NSD1: variants seen among roughly 807,000 people sequenced by gnomAD.
NSD1 encodes histone-lysine N-methyltransferase, H3 lysine-36 specific.
In NSD1, 26 loss-of-function variants were observed where a neutral mutation model predicts 242.7. The ratio of observed to expected loss-of-function variants is 0.11; its 90% CI spans 0.08 to 0.15. NSD1 has a LOEUF of 0.15. Ranked by LOEUF, NSD1 falls within the 10% of genes least tolerant of loss-of-function variation. The probability of loss-of-function intolerance (pLI) is 1.00; values close to 1 mark genes in which losing one functional copy is unlikely to be tolerated. For missense variants in NSD1, 2,495 were observed against 3,272.8 expected (o/e 0.76, Z 5.80); for synonymous variants, 1,106 against 1,178.1 (o/e 0.94, Z 1.25).
At chr5:177,175,513 A>AGCGACTTG (rs1271052892) in intron 2 of NSD1, among the ~76,000 whole-genome samples, 1 of 152,174 alleles carries the variant, frequency 6.6e-6, no homozygotes, top group South Asian at 2.1e-4. Flanking sequence ...CATTAGTCCC[A>AGCGACTTG]GCGACTTGGT....
intron 21 of NSD1, among the ~76,000 whole-genome samples, chr5:177,290,128 C>T (rs1157321862): frequency 6.7e-6 from 1 of 148,238 alleles, no homozygotes; most frequent in East Asian, 2.0e-4. Flanking sequence ...GTGCCCGGCC[C>T]TTATATTATT....
At position 177,299,298 on chromosome 5, in the gene NSD1, AG is replaced by A. The variant is rs1218666876; in HGVS notation, c.*3840del. 8.6e-6 allele frequency: 2 copies of A among 233,178 alleles called. No homozygotes were observed. Among genetic ancestry groups the A allele is most frequent in the African/African-American group, 4.4e-5 (2 of 45,342 alleles). 14.4% of individuals were successfully genotyped at this position (233,178 alleles called of 1,614,324 possible). A position where few individuals can be genotyped will look rare whatever the true frequency, so the allele number is the denominator to read the frequency against. On this transcript the variant is annotated 3_prime_UTR_variant, in exon 23 of 23. Coordinates refer to ENST00000439151, the MANE Select transcript of NSD1 (RefSeq NM_022455.5). ...TTTGGGAGGAGATTTTATGTAGAAA[AG>A]TTTGAGGCTTTGTTAAAAGTGGGGA...
chr5:177,245,995 A>G (rs1766264128), intron 9 of NSD1, among the ~76,000 whole-genome samples: 1 of 141,628 alleles, frequency 7.1e-6, no homozygotes, highest in African/African-American at 2.7e-5. Context: ...TTTGAGATGG[A>G]GTTTCGCTCT....
intron 3 of NSD1, among the ~76,000 whole-genome samples, chr5:177,195,178 G>A (rs918936736): frequency 6.6e-6 from 1 of 151,734 alleles, no homozygotes; most frequent in African/African-American, 2.4e-5. Context: ...AAATAACTTA[G>A]TGTGTTAAAA....
rs61538775 is a variant in NSD1, at chr5:177,264,028, A to ATTTTTTTTTTTTTTT, written c.5147-3522_5147-3508dup. ...AAGATGCATATGACTCAATGAACCA[A>ATTTTTTTTTTTTTTT]TTTTTTTTTTTTTTTTTTTTTTTTT... On this transcript the variant is annotated intron_variant, in intron 14 of 22. Transcript: ENST00000439151. 7.3e-3 allele frequency among the ~76,000 whole-genome samples: 558 copies of ATTTTTTTTTTTTTTT among 76,362 alleles called. 83 individuals are homozygous for ATTTTTTTTTTTTTTT. The highest frequency in any genetic ancestry group is 0.017 in the Middle Eastern group (2 of 118). 50.1% of individuals were successfully genotyped at this position (76,362 alleles called of 152,430 possible). A position where few individuals can be genotyped will look rare whatever the true frequency, so the allele number is the denominator to read the frequency against.
intron 2 of NSD1, among the ~76,000 whole-genome samples, chr5:177,161,285 G>A (rs1758725149): frequency 6.6e-6 from 1 of 152,060 alleles, no homozygotes; most frequent in Non-Finnish European, 1.5e-5. Context: ...GGGTGGTTGA[G>A]GTGGGAAGAT....
At position 177,295,551 on chromosome 5, in the gene NSD1, C is replaced by A. The variant is rs540454140; in HGVS notation, c.*92C>A. 1.8e-5 allele frequency: 22 copies of A among 1,222,750 alleles called. No homozygotes were observed. The highest frequency in any genetic ancestry group is 2.5e-5 in the East Asian group (1 of 39,650). 75.7% of individuals were successfully genotyped at this position (1,222,750 alleles called of 1,614,324 possible). A position where few individuals can be genotyped will look rare whatever the true frequency, so the allele number is the denominator to read the frequency against. On this transcript the variant is annotated 3_prime_UTR_variant, in exon 23 of 23. Coordinates refer to ENST00000439151, the MANE Select transcript of NSD1 (RefSeq NM_022455.5). This position sits in a 1 kb window ranked among gnomAD's most constrained non-coding sequence, Gnocchi z 4.3. The stretch of plus-strand genomic sequence containing the variant: ...TCTTTCTTTCCCCCTTAAAAAAAAA[C>A]ACATCTGCCCCGAACACTTTCCCAC...
intron 10 of NSD1, 142 bp from the exon 11 acceptor site, chr5:177,248,039 A>G: frequency 6.6e-7 from 1 of 1,522,216 alleles, no homozygotes; most frequent in South Asian, 1.2e-5. Context: ...GGTTAGAACT[A>G]ACATTGCATG....
At chr5:177,199,029 G>A (rs977479908) in intron 3 of NSD1, among the ~76,000 whole-genome samples, 31 of 152,098 alleles carry the variant, frequency 2.0e-4, no homozygotes, top group Non-Finnish European at 8.8e-5. Flanking sequence ...AGAATTTTTC[G>A]ACCTTACAAT....
chr5:177,280,462 A>G (rs937125816), intron 17 of NSD1, 103 bp from the exon 18 acceptor site: 1 of 1,276,780 alleles, frequency 7.8e-7, no homozygotes, highest in East Asian at 2.3e-5. Context: ...AAATCATGGG[A>G]AATGTGGCTG....
chr5:177,174,314 A>T (rs1759991601), intron 2 of NSD1, among the ~76,000 whole-genome samples: 2 of 151,968 alleles, frequency 1.3e-5, no homozygotes, highest in South Asian at 2.1e-4. Flanking sequence ...AGATCGCGCC[A>T]CTGCACTCTG....
At chr5:177,278,931 A>C (rs1312895387) in intron 17 of NSD1, among the ~76,000 whole-genome samples, 1 of 152,216 alleles carries the variant, frequency 6.6e-6, no homozygotes, top group Non-Finnish European at 1.5e-5. Context: ...CCTCTACATT[A>C]ATGGCTTTGG....
At chr5:177,248,572 T>G (rs893990570) in intron 11 of NSD1, among the ~76,000 whole-genome samples, 2 of 152,178 alleles carry the variant, frequency 1.3e-5, no homozygotes, top group African/African-American at 4.8e-5. Flanking sequence ...GCGAAACAAG[T>G]CTGAGATGGA....
chr5:177,232,740 GT>G (rs1231462307), intron 5 of NSD1, among the ~76,000 whole-genome samples: 1 of 152,170 alleles, frequency 6.6e-6, no homozygotes, highest in Non-Finnish European at 1.5e-5. Context: ...TTCCTGCTTT[GT>G]GGTATAAAGA....
At chr5:177,185,693 TTTA>T (rs1240246716) in intron 2 of NSD1, among the ~76,000 whole-genome samples, 28 of 118,456 alleles carry the variant, frequency 2.4e-4, no homozygotes, top group South Asian at 4.6e-4. Context: ...ATATTTGTTT[TTTA>T]TTATAATATA....
chr5:177,162,344 A>G (rs982156575), intron 2 of NSD1, among the ~76,000 whole-genome samples: 5 of 151,986 alleles, frequency 3.3e-5, no homozygotes, highest in African/African-American at 1.2e-4. Context: ...GGTCTTTCCA[A>G]ATTTTTACTA....
intron 2 of NSD1, among the ~76,000 whole-genome samples, chr5:177,166,785 C>T (rs1490524904): frequency 1.4e-5 from 2 of 146,598 alleles, no homozygotes; most frequent in Non-Finnish European, 3.0e-5. Context: ...CTCGTTCTGT[C>T]GCCCAGGCTG....
At chr5:177,270,086 A>C (rs979467103) in intron 16 of NSD1, among the ~76,000 whole-genome samples, 1 of 152,178 alleles carries the variant, frequency 6.6e-6, no homozygotes, top group Non-Finnish European at 1.5e-5. Flanking sequence ...AAACTATTTC[A>C]TAGAAGAAAC....
intron 3 of NSD1, among the ~76,000 whole-genome samples, 172 bp downstream of exon 3, chr5:177,192,191 C>T (rs1761744315): frequency 6.6e-6 from 1 of 151,518 alleles, no homozygotes; most frequent in African/African-American, 2.4e-5. Context: ...ATGATTTAAA[C>T]CTTCTCTCAG....
Sources: allele counts gnomAD v4.1 joint callset (sites outside exome capture counted in the v4.1 genomes callset), GRCh38; gene constraint gnomAD v4.1.1; non-coding constraint Gnocchi (gnomAD v3.1); transcripts MANE v1.5; gene names NCBI Gene and HGNC (gene_info 2026-07-23, HGNC 2026-07-21).